CRACD: variants seen among roughly 807,000 people sequenced by gnomAD.
CRACD encodes capping protein inhibiting regulator of actin dynamics.
In CRACD, 56 loss-of-function variants were observed where a neutral mutation model predicts 106.8. That is an observed-to-expected ratio of 0.52 (90% CI 0.42 to 0.66). The LOEUF (loss-of-function observed/expected upper bound fraction) is 0.66. Ranked by LOEUF, CRACD falls within the 30% of genes least tolerant of loss-of-function variation. The pLI is 0.00. For synonymous variants in CRACD, 754 were observed against 670.8 expected, an observed-to-expected ratio of 1.12 and a Z score of -1.92; for missense variants, 1,730 against 1,623.2, an observed-to-expected ratio of 1.07 and a Z score of -1.13.
chr4:56,188,622 C>CCTCTCTCTCTCTCTCTCTCT (rs140815351), intron 2 of CRACD, among the ~76,000 whole-genome samples: 1 of 121,546 alleles, frequency 8.2e-6, no homozygotes, highest in African/African-American at 3.6e-5. Context: ...ATCTGTCTAG[C>CCTCTCTCTCTCTCTCTCTCT]CTCTCTCTCT....
intron 1 of CRACD, among the ~76,000 whole-genome samples, chr4:56,121,111 A>G (rs1560457048): frequency 6.6e-6 from 1 of 152,112 alleles, no homozygotes; most frequent in East Asian, 1.9e-4. Flanking sequence ...TAACATTACT[A>G]TTTTTGCAAA....
At chr4:56,236,217 G>A (rs763128732) in intron 2 of CRACD, among the ~76,000 whole-genome samples, 2 of 152,086 alleles carry the variant, frequency 1.3e-5, no homozygotes, top group African/African-American at 2.4e-5. Context: ...AGGATGTGAA[G>A]GCCACGTGAA....
At chr4:56,324,926 A>G (rs1746331243) in intron 10 of CRACD, among the ~76,000 whole-genome samples, 2 of 41,960 alleles carry the variant, frequency 4.8e-5, no homozygotes, top group Non-Finnish European at 1.5e-4. Context: ...TGGATATCCA[A>G]CTTACCCTGA....
intron 2 of CRACD, among the ~76,000 whole-genome samples, chr4:56,217,708 C>T (rs1738782112): frequency 6.6e-6 from 1 of 151,434 alleles, no homozygotes; most frequent in Non-Finnish European, 1.5e-5. Flanking sequence ...GTAAGCTGTG[C>T]CTGAATTGCA....
intron 6 of CRACD, 64 bp downstream of exon 6, chr4:56,310,798 C>CTTT: frequency 1.5e-5 from 12 of 804,102 alleles, no homozygotes; most frequent in African/African-American, 1.3e-4. Context: ...TTCCCCCCCC[C>CTTT]TTTTTTTTTT....
At chr4:56,089,359 T>G (rs904965864) in intron 1 of CRACD, among the ~76,000 whole-genome samples, 2 of 152,172 alleles carry the variant, frequency 1.3e-5, no homozygotes, top group African/African-American at 2.4e-5. Context: ...GGGTTCACTT[T>G]GCGGATTTGT....
chr4:56,135,477 G>T (rs1734972341), intron 1 of CRACD, among the ~76,000 whole-genome samples: 2 of 152,296 alleles, frequency 1.3e-5, no homozygotes, highest in South Asian at 4.1e-4. Flanking sequence ...TCAAGGAAAT[G>T]TCAAATGTCC....
intron 3 of CRACD, among the ~76,000 whole-genome samples, chr4:56,281,263 G>A (rs942416066): frequency 2.0e-5 from 3 of 152,096 alleles, no homozygotes; most frequent in Non-Finnish European, 4.4e-5. Context: ...CTGTGCATGC[G>A]AGGGATCTAG....
intron 1 of CRACD, among the ~76,000 whole-genome samples, chr4:56,058,052 C>T (rs1340479895): frequency 2.6e-5 from 4 of 151,206 alleles, no homozygotes; most frequent in Admixed American, 2.6e-4. Context: ...GAACTCCTGA[C>T]ATCAAGTGAT....
chr4:56,104,264 T>C (rs1042485530), intron 1 of CRACD, among the ~76,000 whole-genome samples: 1 of 152,026 alleles, frequency 6.6e-6, no homozygotes, highest in African/African-American at 2.4e-5. Flanking sequence ...GGACATGGCA[T>C]GCGCCTATAG....
At chr4:56,302,023 G>A (rs1744398954) in intron 4 of CRACD, among the ~76,000 whole-genome samples, 1 of 152,112 alleles carries the variant, frequency 6.6e-6, no homozygotes, top group African/African-American at 2.4e-5. Context: ...ATTTGAATGA[G>A]TGACAGAATG....
intron 2 of CRACD, among the ~76,000 whole-genome samples, chr4:56,192,227 C>T (rs1577727117): frequency 6.6e-6 from 1 of 152,022 alleles, no homozygotes; most frequent in Middle Eastern, 3.4e-3. Context: ...CCCCATCTCT[C>T]CTAAAAATAC....
chr4:56,293,976 C>T (rs181825715), intron 3 of CRACD, among the ~76,000 whole-genome samples: 1 of 152,194 alleles, frequency 6.6e-6, no homozygotes, highest in African/African-American at 2.4e-5. Context: ...CCTGTAATTC[C>T]AGCACTTTGG....
intron 2 of CRACD, among the ~76,000 whole-genome samples, chr4:56,189,782 T>A (rs1218443745): frequency 3.3e-5 from 5 of 149,698 alleles, no homozygotes; most frequent in Admixed American, 6.7e-5. Flanking sequence ...CCACATTTTC[T>A]TTTTTTCTTT....
At chr4:56,303,300 G>A (rs912490114) in intron 4 of CRACD, among the ~76,000 whole-genome samples, 11 of 151,670 alleles carry the variant, frequency 7.3e-5, no homozygotes, top group African/African-American at 9.7e-5. Flanking sequence ...AGCCGAGATC[G>A]TGCCATTGGC....
At chr4:56,259,142 CA>C (rs1577817249) in intron 2 of CRACD, among the ~76,000 whole-genome samples, 1 of 152,124 alleles carries the variant, frequency 6.6e-6, no homozygotes, top group East Asian at 1.9e-4. Context: ...GGGCAAAAAG[CA>C]GGGGCTTTTA....
At chr4:56,142,105 A>G (rs972957058) in intron 1 of CRACD, among the ~76,000 whole-genome samples, 1 of 152,250 alleles carries the variant, frequency 6.6e-6, no homozygotes, top group Non-Finnish European at 1.5e-5. Flanking sequence ...ACAGTTTCTT[A>G]TACCCAGAAA....
Position 56,116,479 on chromosome 4 carries a change from G to A in CRACD, c.-335-62805G>A, listed in dbSNP as rs73817339. ...CTTTCACTCTGTACTGCACCATGAT[G>A]ATTATATAGAACATTATAGAGGGAT... On this transcript the variant is annotated intron_variant, in intron 1 of 10. Transcript: ENST00000682029. Among the ~76,000 whole-genome samples, 417 of 152,236 alleles carry A rather than the reference G, an allele frequency of 2.7e-3. 2 individuals are homozygous for A. The highest frequency in any genetic ancestry group is 9.7e-3 in the African/African-American group (402 of 41,540).
At chr4:56,106,727 C>A (rs1733958339) in intron 1 of CRACD, among the ~76,000 whole-genome samples, 1 of 152,158 alleles carries the variant, frequency 6.6e-6, no homozygotes, top group African/African-American at 2.4e-5. Flanking sequence ...ATAATCAGAT[C>A]TCATTTGGAT....
Sources: allele counts gnomAD v4.1 joint callset (sites outside exome capture counted in the v4.1 genomes callset), GRCh38; gene constraint gnomAD v4.1.1; transcripts MANE v1.5; gene names NCBI Gene and HGNC (gene_info 2026-07-23, HGNC 2026-07-21).